The following TTLL1 variants were observed in gnomAD, a reference collection of about 807,000 sequenced individuals.
The protein encoded by TTLL1 is TTL family tubulin polyglutamylase complex subunit L1.
In TTLL1, 33 loss-of-function variants were observed where a neutral mutation model predicts 47.8. That is an observed-to-expected ratio of 0.69 (90% CI 0.52 to 0.92). TTLL1 has a LOEUF of 0.92. Among genes scored for constraint, TTLL1 ranks in the 40% least tolerant of loss-of-function variants. The pLI is 0.00. For synonymous variants in TTLL1, 225 were observed against 214.1 expected (o/e 1.05, Z -0.45); for missense variants, 488 against 547.5 (o/e 0.89, Z 1.08).
At chr22:43,044,097 C>T (rs1925911908) in intron 10 of TTLL1, among the ~76,000 whole-genome samples, 1 of 152,218 alleles carries the variant, frequency 6.6e-6, no homozygotes, top group East Asian at 1.9e-4. Flanking sequence ...CAACCCTCCT[C>T]CCCGAGAGAC....
At chr22:43,045,509 C>T (rs6003016) in intron 10 of TTLL1, among the ~76,000 whole-genome samples, 12,862 of 125,790 alleles carry the variant, frequency 0.1, 738 homozygotes, top group Admixed American at 0.18. Context: ...TGGGGTTTCG[C>T]TATGTTTGCC....
chr22:43,055,628 G>A (rs1169519330), intron 8 of TTLL1, among the ~76,000 whole-genome samples: 1 of 151,718 alleles, frequency 6.6e-6, no homozygotes, highest in Non-Finnish European at 1.5e-5. Context: ...AACACATTCG[G>A]CTAATTAAAA....
At chr22:43,047,702 CAG>C (rs1231273015) in intron 9 of TTLL1, among the ~76,000 whole-genome samples, 1 of 152,082 alleles carries the variant, frequency 6.6e-6, no homozygotes, top group Non-Finnish European at 1.5e-5. Context: ...CCCCTGACCT[CAG>C]GGGTTCTGCC....
chr22:43,054,733 T>TC, intron 8 of TTLL1, among the ~76,000 whole-genome samples: 1 of 147,350 alleles, frequency 6.8e-6, no homozygotes, highest in Admixed American at 6.8e-5. Flanking sequence ...CTTTTTTTTT[T>TC]TTTTTTTTTT....
At chr22:43,070,139 A>T in intron 3 of TTLL1, 3 of 1,409,404 alleles carry the variant, frequency 2.1e-6, no homozygotes, top group Non-Finnish European at 2.9e-6. Flanking sequence ...ACACGGATTA[A>T]TGATAACACT....
At chr22:43,043,132 G>T (rs1337465020) in intron 10 of TTLL1, among the ~76,000 whole-genome samples, 1 of 151,872 alleles carries the variant, frequency 6.6e-6, no homozygotes, top group Admixed American at 6.6e-5. Context: ...GCAGAGACGG[G>T]ATTTCACCAT....
rs577349297 is a variant in TTLL1 at position 43,063,120 on chromosome 22, G to C, written c.747+693C>G. On this transcript the variant is annotated intron_variant, in intron 7 of 10. Transcript: ENST00000266254. ...GTAAGTTGAGGCAGGGTACCTCAGGGATGGTCTAAGCAGAAGTCACCTCAT... is the reference window on the plus strand; with the variant it reads ...GTAAGTTGAGGCAGGGTACCTCAGGCATGGTCTAAGCAGAAGTCACCTCAT... 2.0e-5 allele frequency among the ~76,000 whole-genome samples: 3 copies of C among 152,298 alleles called. No homozygotes were observed. In the East Asian group the frequency reaches 5.8e-4, roughly 29 times the overall value.
chr22:43,075,594 G>A lies in TTLL1; in HGVS notation c.-4-4C>T, dbSNP rs1247065066. The A allele has an allele frequency of 6.2e-7, 1 of 1,612,756 alleles. No homozygotes were observed. The highest frequency in any genetic ancestry group is 1.3e-5 in the African/African-American group (1 of 74,884). On this transcript the variant is annotated splice_region_variant and splice_polypyrimidine_tract_variant and intron_variant, in intron 2 of 10. Coordinates refer to ENST00000266254, the MANE Select transcript of TTLL1 (RefSeq NM_012263.5). ...TTTTACTTTCCCTGCCATAATCCTG[G>A]AAGAGATCAAAATATTAGAGATATG...
chr22:43,062,810 G>A (rs1569428901), intron 7 of TTLL1, among the ~76,000 whole-genome samples: 1 of 152,138 alleles, frequency 6.6e-6, no homozygotes, highest in Non-Finnish European at 1.5e-5. Context: ...CGGGGCAACA[G>A]AGCGAGACTC....
chr22:43,041,659 C>T (rs374480185), intron 10 of TTLL1, among the ~76,000 whole-genome samples: 1 of 151,604 alleles, frequency 6.6e-6, no homozygotes. Context: ...GCATTACAGG[C>T]GCATGCCACC....
At chr22:43,082,809 T>G (rs1423292023) in intron 1 of TTLL1, among the ~76,000 whole-genome samples, 3 of 146,938 alleles carry the variant, frequency 2.0e-5, no homozygotes, top group Admixed American at 6.8e-5. Flanking sequence ...AGGTCAGGAG[T>G]TTGAGACCAG....
At chr22:43,081,117 T>G (rs1928856590) in intron 1 of TTLL1, among the ~76,000 whole-genome samples, 2 of 151,850 alleles carry the variant, frequency 1.3e-5, no homozygotes, top group Non-Finnish European at 2.9e-5. Flanking sequence ...GGTTTCACCA[T>G]GTTGGCCAGG....
intron 9 of TTLL1, among the ~76,000 whole-genome samples, chr22:43,050,001 G>A (rs772976188): frequency 1.3e-5 from 2 of 152,138 alleles, no homozygotes; most frequent in Admixed American, 6.6e-5. Flanking sequence ...GGAGGCTGAG[G>A]CAGGAGAATT....
chr22:43,049,566 C>T (rs5759116), intron 9 of TTLL1, among the ~76,000 whole-genome samples: 19,002 of 147,208 alleles, frequency 0.13, 1,698 homozygotes, highest in East Asian at 0.41. Flanking sequence ...CACAAAAAAA[C>T]CCAGCTTGCA....
At chr22:43,082,026 AT>A (rs952923790) in intron 1 of TTLL1, among the ~76,000 whole-genome samples, 9 of 149,474 alleles carry the variant, frequency 6.0e-5, no homozygotes, top group African/African-American at 2.0e-4. Context: ...TAGTTTTTGT[AT>A]TTTTAGTAGA....
chr22:43,052,017 A>C, intron 8 of TTLL1, 130 bp from the exon 9 acceptor site: 1 of 777,226 alleles, frequency 1.3e-6, no homozygotes, highest in South Asian at 1.5e-5. Flanking sequence ...CCTCCACCAC[A>C]AACGCTTCCT....
intron 1 of TTLL1, among the ~76,000 whole-genome samples, chr22:43,080,356 CTT>C (rs1601704365): frequency 6.6e-6 from 1 of 152,142 alleles, no homozygotes; most frequent in East Asian, 1.9e-4. Context: ...CGCCTGGCCT[CTT>C]TAACCATTTT....
intron 3 of TTLL1, among the ~76,000 whole-genome samples, chr22:43,074,901 G>A (rs1270102029): frequency 2.6e-5 from 4 of 151,496 alleles, no homozygotes; most frequent in Non-Finnish European, 5.9e-5. Context: ...ATGTGGCCAG[G>A]CGCTTGGCTT....
intron 2 of TTLL1, among the ~76,000 whole-genome samples, chr22:43,076,435 G>A (rs909558134): frequency 6.6e-6 from 1 of 151,634 alleles, no homozygotes; most frequent in Non-Finnish European, 1.5e-5. Flanking sequence ...CAGCCTCGGC[G>A]ACAGAGCGAG....
Sources: allele counts gnomAD v4.1 joint callset (sites outside exome capture counted in the v4.1 genomes callset), GRCh38; gene constraint gnomAD v4.1.1; transcripts MANE v1.5; gene names NCBI Gene and HGNC (gene_info 2026-07-23, HGNC 2026-07-21).